The following GALNT6 variants were observed in gnomAD, a reference collection of about 807,000 sequenced individuals.
GALNT6 encodes GalNAc transferase 6.
A neutral mutation model predicts 65.9 loss-of-function variants in GALNT6; 51 were observed. The ratio of observed to expected loss-of-function variants is 0.77; its 90% CI spans 0.62 to 0.98. The LOEUF (loss-of-function observed/expected upper bound fraction) is 0.98, where lower values mean the gene tolerates loss of function less well. Ranked by LOEUF, GALNT6 falls within the 50% of genes least tolerant of loss-of-function variation. GALNT6 has a pLI of 0.00. For missense variants in GALNT6, 708 were observed against 803.3 expected (o/e 0.88, Z 1.43); for synonymous variants, 323 against 315.1 (o/e 1.02, Z -0.26).
intron 4 of GALNT6, among the ~76,000 whole-genome samples, chr12:51,366,148 C>T (rs1947096765): frequency 6.6e-6 from 1 of 152,192 alleles, no homozygotes; most frequent in Admixed American, 6.5e-5. Context: ...GTACTCCTGG[C>T]CTCAAGTGAT....
intron 5 of GALNT6, 70 bp downstream of exon 5, chr12:51,365,360 T>C: frequency 7.0e-7 from 1 of 1,435,836 alleles, no homozygotes; most frequent in African/African-American, 1.4e-5. Flanking sequence ...TTGGGGAGGC[T>C]GTGGCCCTGG....
chr12:51,354,344 G>T lies in GALNT6; in HGVS notation c.*35C>A. 8.7e-7 allele frequency: 1 copy of T among 1,146,920 alleles called. No homozygotes were observed. Among genetic ancestry groups the T allele is most frequent in the Non-Finnish European group, 1.2e-6 (1 of 805,226 alleles). The allele number at this position is 1,146,920 out of a possible 1,614,324, so 71.0% of individuals were successfully genotyped here. The stretch of plus-strand genomic sequence containing the variant: ...CATCAGCAATCCTGTTTCCTGAGGA[G>T]CTTGTGGGGGCTCTCTCTGGGGATG... On this transcript the variant is annotated 3_prime_UTR_variant, in exon 12 of 12. Coordinates refer to ENST00000356317, the MANE Select transcript of GALNT6 (RefSeq NM_007210.4).
At chr12:51,361,096 G>C (rs531125469) in intron 6 of GALNT6, among the ~76,000 whole-genome samples, 8 of 152,214 alleles carry the variant, frequency 5.3e-5, no homozygotes, top group African/African-American at 1.9e-4. Context: ...TAGGATGCAC[G>C]TAACACTGGC....
chr12:51,364,948 C>T (rs539733634), intron 5 of GALNT6, among the ~76,000 whole-genome samples: 4 of 152,228 alleles, frequency 2.6e-5, no homozygotes, highest in African/African-American at 9.6e-5. Context: ...ATTCTGACTC[C>T]AAGACTAGAG....
At chr12:51,377,450 C>G in intron 3 of GALNT6, 83 bp from the exon 4 acceptor site, 1 of 1,122,132 alleles carries the variant, frequency 8.9e-7, no homozygotes, top group Admixed American at 1.9e-5. Flanking sequence ...GAGACTCCCC[C>G]AGACCATCCT....
At chr12:51,368,085 C>G (rs1293652619) in intron 4 of GALNT6, among the ~76,000 whole-genome samples, 1 of 151,648 alleles carries the variant, frequency 6.6e-6, no homozygotes, top group Non-Finnish European at 1.5e-5. Context: ...CTTAATGCAC[C>G]TGAGTTTCAA....
rs1007385917 is a variant in GALNT6 at position 51,354,281 on chromosome 12, T to C, written c.*98A>G. On this transcript the variant is annotated 3_prime_UTR_variant, in exon 12 of 12. Transcript: ENST00000356317. ...ACCCAGTGGGTTTAGAAATCCATCT[T>C]TACGGCCTCCAGAGAAGCTGGTGAT... 1.4e-5 allele frequency: 9 copies of C among 660,102 alleles called. No individual in the cohort carries two copies. The highest frequency in any genetic ancestry group is 2.3e-5 in the Non-Finnish European group (9 of 398,894). 40.9% of individuals were successfully genotyped at this position (660,102 alleles called of 1,614,324 possible). A position where few individuals can be genotyped will look rare whatever the true frequency, so the allele number is the denominator to read the frequency against.
rs537968887 is a variant in GALNT6 at position 51,355,654 on chromosome 12, G to A, written c.1755+152C>T. Reference sequence around the variant, plus strand: ...CCAGCTAATTTTTGTATTATTAGTAGAGATGGGGTTTCACCATGTTGGCCA... The same window carrying A: ...CCAGCTAATTTTTGTATTATTAGTAAAGATGGGGTTTCACCATGTTGGCCA... On this transcript the variant is annotated intron_variant, in intron 11 of 11. Coordinates refer to ENST00000356317, the MANE Select transcript of GALNT6 (RefSeq NM_007210.4). 7.0e-6 allele frequency: 4 copies of A among 572,548 alleles called. No homozygotes were observed. In the African/African-American group the frequency reaches 7.6e-5, roughly 11 times the overall value. 35.5% of individuals were successfully genotyped at this position (572,548 alleles called of 1,614,324 possible).
rs200044810 is a variant in GALNT6, at chr12:51,360,832, C to A, written c.1056G>T (p.Pro352=). ...TGGAGAAGAGGCCACCAGCAAACGT[C>A]GGGGATCTGGAGAGACAGAGGGAGA... The part of the protein sequence containing the change: ...RKDETYPIKS[P]TFAGGLFSIS... Residue 352 remains proline (P), a synonymous_variant, in exon 7 of 12, where the codon CCG becomes CCT. Transcript: ENST00000356317. 3.1e-6 allele frequency: 5 copies of A among 1,607,648 alleles called. No homozygotes were observed. Among genetic ancestry groups the A allele is most frequent in the Non-Finnish European group, 4.3e-6 (5 of 1,174,214 alleles).
intron 7 of GALNT6, chr12:51,359,538 ACT>A (rs1473568738): frequency 3.2e-5 from 15 of 468,318 alleles, no homozygotes; most frequent in Non-Finnish European, 5.7e-5. Flanking sequence ...ATGTTGGTTC[ACT>A]CTGACTTAAG....
At chr12:51,369,238 C>T (rs964006221) in intron 4 of GALNT6, among the ~76,000 whole-genome samples, 27 of 152,226 alleles carry the variant, frequency 1.8e-4, no homozygotes, top group Admixed American at 7.9e-4. Context: ...CCTTCTCCCA[C>T]GCCTTCCTTC....
intron 4 of GALNT6, among the ~76,000 whole-genome samples, chr12:51,366,345 C>T (rs1203616446): frequency 6.6e-6 from 1 of 152,206 alleles, no homozygotes; most frequent in Non-Finnish European, 1.5e-5. Context: ...CTAGGATTCC[C>T]TGTCTCCCAG....
Position 51,379,633 on chromosome 12 carries a change from T to C in GALNT6, c.149A>G (p.Lys50Arg), listed in dbSNP as rs111939328. 8.7e-6 allele frequency: 14 copies of C among 1,614,096 alleles called. No homozygotes were observed. Among genetic ancestry groups the C allele is most frequent in the African/African-American group, 6.7e-5 (5 of 75,056 alleles). ...KPWLKSLVSR[K>R]DHVLDLMLEA... Reference sequence around the variant, plus strand: ...CAGCATGAGGTCCAGGACGTGATCCTTCCGGCTCACCAGGGACTTCAGCCA... The same window carrying C: ...CAGCATGAGGTCCAGGACGTGATCCCTCCGGCTCACCAGGGACTTCAGCCA... Residue 50 changes from lysine (K) to arginine (R), a missense_variant, in exon 3 of 12, where the codon AAG becomes AGG. Coordinates refer to ENST00000356317, the MANE Select transcript of GALNT6 (RefSeq NM_007210.4).
intron 6 of GALNT6, among the ~76,000 whole-genome samples, chr12:51,363,615 G>T (rs909737842): frequency 6.6e-6 from 1 of 152,212 alleles, no homozygotes; most frequent in Non-Finnish European, 1.5e-5. Context: ...TGCAGAAAAT[G>T]TGTCTGTTTT....
At chr12:51,386,692 G>C (rs975291079) in intron 2 of GALNT6, among the ~76,000 whole-genome samples, 2 of 152,200 alleles carry the variant, frequency 1.3e-5, no homozygotes, top group Non-Finnish European at 2.9e-5. Context: ...ACGGGCACAG[G>C]TGTGTGGAGC....
chr12:51,388,374 C>T (rs1947905726), intron 2 of GALNT6, among the ~76,000 whole-genome samples: 1 of 152,226 alleles, frequency 6.6e-6, no homozygotes, highest in South Asian at 2.1e-4. Flanking sequence ...GAGGGGCTGG[C>T]CGGGTTGCTT....
At position 51,354,148 on chromosome 12, in the gene GALNT6, C is replaced by G; in HGVS notation, c.*231G>C. 2.3e-6 allele frequency: 1 copy of G among 427,268 alleles called. No individual in the cohort carries two copies. Among genetic ancestry groups the G allele is most frequent in the Non-Finnish European group, 4.1e-6 (1 of 245,288 alleles). 26.5% of individuals were successfully genotyped at this position (427,268 alleles called of 1,614,324 possible). On this transcript the variant is annotated 3_prime_UTR_variant, in exon 12 of 12. Coordinates refer to ENST00000356317, the MANE Select transcript of GALNT6 (RefSeq NM_007210.4). ...ACTTTGGGAGCCTCTATTTCTAGAACAGGAAAACGCTAGGCTAAATATATG... is the reference window on the plus strand; with the variant it reads ...ACTTTGGGAGCCTCTATTTCTAGAAGAGGAAAACGCTAGGCTAAATATATG...
intron 2 of GALNT6, 64 bp from the exon 3 acceptor site, chr12:51,379,948 T>C (rs1947608764): frequency 4.3e-6 from 3 of 702,160 alleles, no homozygotes; most frequent in Non-Finnish European, 6.9e-6. Context: ...AGTCGGGTGC[T>C]TGGGGTTCGA....
intron 4 of GALNT6, among the ~76,000 whole-genome samples, chr12:51,371,054 AATTATTATTATT>A (rs66469959): frequency 0.14 from 20,104 of 144,234 alleles, 1,762 homozygotes; most frequent in Admixed American, 0.21. Flanking sequence ...CCTTTTAAAA[AATTATTATTATT>A]ATTATTATTA....
Sources: allele counts gnomAD v4.1 joint callset (sites outside exome capture counted in the v4.1 genomes callset), GRCh38; gene constraint gnomAD v4.1.1; transcripts MANE v1.5; gene names NCBI Gene and HGNC (gene_info 2026-07-23, HGNC 2026-07-21).